Variants in TLK1 observed in about 807,000 individuals in gnomAD.
TLK1 encodes the protein serine/threonine-protein kinase tousled-like 1.
Under a neutral mutation model 105.3 loss-of-function variants are expected in TLK1, and 24 were observed. That is an observed-to-expected ratio of 0.23 (90% confidence interval 0.17 to 0.32). TLK1 has a LOEUF of 0.32. TLK1 is among the 10% of genes least tolerant of loss of function. The pLI, the probability that TLK1 is intolerant of heterozygous loss-of-function variation, is 1.00. For missense variants in TLK1, 558 were observed against 910.5 expected (o/e 0.61, Z 4.98); for synonymous variants, 321 against 310.4 (o/e 1.03, Z -0.36).
Position 171,053,829 on chromosome 2 carries a change from C to T in TLK1, c.664G>A (p.Ala222Thr), listed in dbSNP as rs953793628. The change falls in exon 8 of 21, where the codon GCA becomes ACA. Residue 222 changes from alanine (A) to threonine (T), a missense_variant. By Grantham distance (58) the Ala-to-Thr change is moderately conservative (BLOSUM62 0). Transcript: ENST00000431350. ...IQTDLTMLKLAALESNKIQDL... is the reference protein window; with the variant it reads ...IQTDLTMLKLTALESNKIQDL... ...TGGATTTTATTACTTTCTAATGCTG[C>T]TAATTTCAGCATTGTGAGATCAGTC... 12 of 1,607,936 alleles carry T rather than the reference C, an allele frequency of 7.5e-6. No homozygotes were observed. Among genetic ancestry groups the T allele is most frequent in the Non-Finnish European group, 1.0e-5 (12 of 1,177,152 alleles).
intron 1 of TLK1, among the ~76,000 whole-genome samples, chr2:171,142,267 CAG>C (rs929021532): frequency 3.3e-5 from 5 of 152,046 alleles, no homozygotes; most frequent in African/African-American, 9.7e-5. Context: ...ACAGGATAAA[CAG>C]AAATCATTTA....
intron 1 of TLK1, among the ~76,000 whole-genome samples, chr2:171,213,455 G>T (rs561409546): frequency 6.6e-6 from 1 of 151,298 alleles, no homozygotes; most frequent in Admixed American, 6.6e-5. Context: ...CTCTCACCTC[G>T]ACCTCCCAAA....
intron 12 of TLK1, among the ~76,000 whole-genome samples, chr2:171,017,205 G>C (rs887220428): frequency 2.0e-5 from 3 of 152,142 alleles, no homozygotes; most frequent in Non-Finnish European, 4.4e-5. Flanking sequence ...CCAGGAGTAT[G>C]AAAGAATTTA....
intron 1 of TLK1, among the ~76,000 whole-genome samples, chr2:171,204,935 A>G (rs1319087737): frequency 6.6e-6 from 1 of 151,462 alleles, no homozygotes; most frequent in African/African-American, 2.4e-5. Flanking sequence ...CCTGGGTGAT[A>G]GAGTGAGACT....
At chr2:171,222,487 T>C (rs1002117795) in intron 1 of TLK1, among the ~76,000 whole-genome samples, 1 of 152,114 alleles carries the variant, frequency 6.6e-6, no homozygotes, top group African/African-American at 2.4e-5. Flanking sequence ...CACATCACCA[T>C]GCCTGCCTAA....
In TLK1 at chr2:171,033,078, C is replaced by T. The variant is rs554474354; in HGVS notation, c.1170-4673G>A. ...AAAATTAGCCAGGCGTGGTGATGGG[C>T]ACCTGCAATCCCAGATACTTGGGAG... On this transcript the variant is annotated intron_variant, in intron 11 of 20. Coordinates refer to ENST00000431350, the MANE Select transcript of TLK1 (RefSeq NM_012290.5). 2.0e-5 allele frequency among the ~76,000 whole-genome samples: 3 copies of T among 152,076 alleles called. No individual in the cohort carries two copies. In the East Asian group the frequency reaches 5.8e-4, roughly 30 times the overall value.
intron 1 of TLK1, among the ~76,000 whole-genome samples, chr2:171,136,156 G>A (rs185311125): frequency 2.7e-4 from 41 of 152,290 alleles, no homozygotes; most frequent in Admixed American, 2.5e-3. Context: ...AGGAAACACT[G>A]AAACATGACA....
At chr2:171,106,489 A>C (rs1437494287) in intron 2 of TLK1, among the ~76,000 whole-genome samples, 2 of 152,178 alleles carry the variant, frequency 1.3e-5, no homozygotes, top group Non-Finnish European at 2.9e-5. Flanking sequence ...AAAACAATAA[A>C]AGCAGAAAAA....
At chr2:171,216,048 C>T (rs1406444419) in intron 1 of TLK1, among the ~76,000 whole-genome samples, 1 of 152,160 alleles carries the variant, frequency 6.6e-6, no homozygotes, top group Non-Finnish European at 1.5e-5. Context: ...CTGTTATTAT[C>T]TCCATTTTAC....
rs757047913 is a variant in TLK1, at chr2:171,117,875, T to A, written c.140-18A>T. 4.0e-6 allele frequency: 6 copies of A among 1,501,396 alleles called. No individual in the cohort carries two copies. Among genetic ancestry groups the A allele is most frequent in the African/African-American group, 2.8e-5 (2 of 72,114 alleles). The allele number at this position is 1,501,396 out of a possible 1,614,324, so 93.0% of individuals were successfully genotyped here. A position where few individuals can be genotyped will look rare whatever the true frequency, so the allele number is the denominator to read the frequency against. ...CATTGCACCTATTAAGAAAAAAAAA[T>A]ATATATGTACACATATATATGTGTG... On this transcript the variant is annotated intron_variant, in intron 1 of 20. Transcript: ENST00000431350.
intron 12 of TLK1, among the ~76,000 whole-genome samples, chr2:171,018,417 A>C (rs1188131792): frequency 6.6e-6 from 1 of 152,270 alleles, no homozygotes; most frequent in African/African-American, 2.4e-5. Flanking sequence ...TCCTCAGAGA[A>C]TGGGGCAAGG....
At chr2:171,000,062 G>A (rs1684284692) in intron 18 of TLK1, among the ~76,000 whole-genome samples, 1 of 151,998 alleles carries the variant, frequency 6.6e-6, no homozygotes, top group South Asian at 2.1e-4. Flanking sequence ...TCTAACTTTT[G>A]ACTCTCCCTA....
chr2:171,088,078 C>T (rs1689061638), intron 2 of TLK1, among the ~76,000 whole-genome samples: 1 of 152,114 alleles, frequency 6.6e-6, no homozygotes, highest in Non-Finnish European at 1.5e-5. Flanking sequence ...CACCTATAAT[C>T]CCAGCACTTT....
intron 1 of TLK1, among the ~76,000 whole-genome samples, chr2:171,207,062 G>A (rs1444607845): frequency 6.6e-6 from 1 of 152,184 alleles, no homozygotes. Flanking sequence ...TTACCCAAAT[G>A]AATTGAAATC....
chr2:171,067,814 C>T (rs1457515698), intron 3 of TLK1, among the ~76,000 whole-genome samples: 3 of 151,950 alleles, frequency 2.0e-5, no homozygotes, highest in Non-Finnish European at 2.9e-5. Flanking sequence ...AACCGCCCTG[C>T]CCCGTGTCCA....
At chr2:171,066,929 G>C (rs1280924006) in intron 3 of TLK1, 2 of 1,545,620 alleles carry the variant, frequency 1.3e-6, no homozygotes, top group South Asian at 1.2e-5. Flanking sequence ...AACACTTTCA[G>C]ATAATTTATT....
At position 171,049,884 on chromosome 2, in the gene TLK1, T is replaced by A. The variant is rs1047566850; in HGVS notation, c.910A>T (p.Thr304Ser). Residue 304 changes from threonine (T) to serine (S), a missense_variant, in exon 10 of 21, where the codon ACA (threonine) becomes TCA (serine). By Grantham distance (58) the Thr-to-Ser change is moderately conservative (BLOSUM62 1). Coordinates refer to ENST00000431350, the MANE Select transcript of TLK1 (RefSeq NM_012290.5). ...MQDRLRLGHF[T>S]TVRHGASFTE... ...AATGAAGCGCCATGTCTAACTGTTG[T>A]AAAGTGCCCGAGGCGTAATCGATCT... 1 of 1,613,968 alleles carries A rather than the reference T, an allele frequency of 6.2e-7. No individual in the cohort carries two copies.
intron 1 of TLK1, among the ~76,000 whole-genome samples, chr2:171,128,765 C>T (rs1278018126): frequency 1.3e-5 from 2 of 151,826 alleles, no homozygotes; most frequent in Non-Finnish European, 2.9e-5. Flanking sequence ...TATATATATA[C>T]ACATACATAC....
chr2:171,180,094 C>CA (rs57360155), intron 1 of TLK1, among the ~76,000 whole-genome samples: 1,603 of 68,192 alleles, frequency 0.024, 34 homozygotes, highest in African/African-American at 0.054. Flanking sequence ...GACTCTGTCT[C>CA]AAAAAAAAAA....
Sources: gnomAD v4.1 joint callset for allele counts (sites outside exome capture counted in the v4.1 genomes callset) on GRCh38, gnomAD v4.1.1 for gene constraint, MANE v1.5 for transcripts, NCBI Gene and HGNC (gene_info 2026-07-23, HGNC 2026-07-21) for gene names.